The following VAT1L variants were observed in gnomAD, a reference collection of about 807,000 sequenced individuals.
VAT1L encodes the protein vesicle amine transport 1 like.
Under a neutral mutation model 44.1 loss-of-function variants are expected in VAT1L, and 34 were observed. The ratio of observed to expected loss-of-function variants is 0.77; its 90% CI spans 0.59 to 1.03. The LOEUF (loss-of-function observed/expected upper bound fraction) is 1.03, where lower values mean the gene tolerates loss of function less well. Among genes scored for constraint, VAT1L ranks in the 50% least tolerant of loss-of-function variants. VAT1L has a pLI of 0.00. For missense variants in VAT1L, 615 were observed against 538.8 expected, an observed-to-expected ratio of 1.14 and a Z score of -1.40; for synonymous variants, 253 against 202.2, an observed-to-expected ratio of 1.25 and a Z score of -2.13.
chr16:77,857,216 A>G (rs2016868061), intron 3 of VAT1L, among the ~76,000 whole-genome samples: 1 of 152,194 alleles, frequency 6.6e-6, no homozygotes, highest in Admixed American at 6.5e-5. Context: ...TGTTCATTTT[A>G]TGTTCTGGTT....
At chr16:77,818,340 A>G (rs1407528104) in intron 2 of VAT1L, among the ~76,000 whole-genome samples, 2 of 152,178 alleles carry the variant, frequency 1.3e-5, no homozygotes, top group South Asian at 2.1e-4. Context: ...ATTTTTGCCA[A>G]TGGTTTTCAG....
At chr16:77,799,385 T>C (rs2016000181) in intron 1 of VAT1L, among the ~76,000 whole-genome samples, 1 of 151,982 alleles carries the variant, frequency 6.6e-6, no homozygotes, top group Non-Finnish European at 1.5e-5. Context: ...CTCTCTCCTC[T>C]TTCTCTCTCT....
At chr16:77,960,539 C>A (rs765734781) in intron 7 of VAT1L, among the ~76,000 whole-genome samples, 27 of 152,148 alleles carry the variant, frequency 1.8e-4, no homozygotes, top group Admixed American at 6.6e-4. Flanking sequence ...GGCATAGCTA[C>A]TTCCAGAGAC....
At chr16:77,899,466 T>C (rs2017358552) in intron 7 of VAT1L, among the ~76,000 whole-genome samples, 1 of 152,252 alleles carries the variant, frequency 6.6e-6, no homozygotes, top group East Asian at 1.9e-4. Flanking sequence ...TAACCCTTGC[T>C]CTTCCTGCCT....
At chr16:77,954,729 C>T (rs370291210) in intron 7 of VAT1L, among the ~76,000 whole-genome samples, 6 of 152,292 alleles carry the variant, frequency 3.9e-5, no homozygotes, top group African/African-American at 1.2e-4. Flanking sequence ...CACCCAAGCA[C>T]GATGCCTTCT....
chr16:77,859,253 T>C (rs1423067485), intron 3 of VAT1L, among the ~76,000 whole-genome samples: 2 of 151,980 alleles, frequency 1.3e-5, no homozygotes, highest in Admixed American at 6.6e-5. Flanking sequence ...TGAGCCATGA[T>C]TGAACCACTA....
chr16:77,813,717 T>A (rs1305239315), intron 1 of VAT1L, among the ~76,000 whole-genome samples: 1 of 152,226 alleles, frequency 6.6e-6, no homozygotes, highest in African/African-American at 2.4e-5. Flanking sequence ...ATCCTTTCTA[T>A]TGCTAAGTCG....
intron 7 of VAT1L, among the ~76,000 whole-genome samples, chr16:77,939,516 C>T (rs2017851227): frequency 6.6e-6 from 1 of 152,192 alleles, no homozygotes; most frequent in Admixed American, 6.5e-5. Context: ...TCAGTGGTAA[C>T]AGTTATGTGC....
chr16:77,839,693 C>T (rs1428269400), intron 3 of VAT1L, among the ~76,000 whole-genome samples: 1 of 151,790 alleles, frequency 6.6e-6, no homozygotes, highest in Non-Finnish European at 1.5e-5. Context: ...GGGGCGGGAT[C>T]AGCAATCTAT....
At chr16:77,800,282 A>C (rs1039152345) in intron 1 of VAT1L, 1 of 152,172 alleles carries the variant, frequency 6.6e-6, no homozygotes, top group Non-Finnish European at 1.5e-5. Flanking sequence ...ATCTGGCTTC[A>C]TCGAGTGCCG....
chr16:77,861,909 A>G (rs1414588394), intron 3 of VAT1L, among the ~76,000 whole-genome samples: 1 of 152,234 alleles, frequency 6.6e-6, no homozygotes, highest in Non-Finnish European at 1.5e-5. Context: ...TATGGCCTTG[A>G]TAACACATCT....
intron 2 of VAT1L, among the ~76,000 whole-genome samples, chr16:77,818,545 G>A (rs2016394682): frequency 6.6e-6 from 1 of 152,124 alleles, no homozygotes; most frequent in African/African-American, 2.4e-5. Context: ...AGATCATGCA[G>A]CTCACTCCGT....
chr16:77,924,072 A>T (rs2017640880), intron 7 of VAT1L, among the ~76,000 whole-genome samples: 1 of 152,092 alleles, frequency 6.6e-6, no homozygotes, highest in African/African-American at 2.4e-5. Flanking sequence ...AACTGATTCA[A>T]CATCTCTGAA....
intron 4 of VAT1L, among the ~76,000 whole-genome samples, chr16:77,869,776 A>G (rs760298842): frequency 2.0e-5 from 3 of 152,200 alleles, no homozygotes; most frequent in Non-Finnish European, 4.4e-5. Context: ...CCAAAGGAGC[A>G]CAAAGCCCAC....
At chr16:77,931,939 T>A (rs1305257553) in intron 7 of VAT1L, among the ~76,000 whole-genome samples, 6 of 152,184 alleles carry the variant, frequency 3.9e-5, no homozygotes, top group Non-Finnish European at 8.8e-5. Flanking sequence ...ACTGCTATGT[T>A]TTGGGATTGC....
In VAT1L at chr16:77,977,875, A is replaced by T; in HGVS notation, c.*180A>T. ...TTTTTTGAAGTGCCAATCCCATGCC[A>T]TGCAGTATTATGTCCCTCTCCTATC... On this transcript the variant is annotated 3_prime_UTR_variant, in exon 9 of 9. Transcript: ENST00000302536. 1 of 603,526 alleles carries T rather than the reference A, an allele frequency of 1.7e-6. No individual in the cohort carries two copies. The highest frequency in any genetic ancestry group is 3.0e-6 in the Non-Finnish European group (1 of 332,858). The allele number at this position is 603,526 out of a possible 1,614,324, so 37.4% of individuals were successfully genotyped here.
chr16:77,945,231 A>G (rs2017945502), intron 7 of VAT1L, among the ~76,000 whole-genome samples: 1 of 145,170 alleles, frequency 6.9e-6, no homozygotes, highest in Non-Finnish European at 1.5e-5. Flanking sequence ...ATCTGTGCTT[A>G]GTGAGGCCAC....
At chr16:77,963,320 G>A (rs1273575417) in intron 7 of VAT1L, among the ~76,000 whole-genome samples, 1 of 152,168 alleles carries the variant, frequency 6.6e-6, no homozygotes, top group Non-Finnish European at 1.5e-5. Flanking sequence ...GTGAGAGTCA[G>A]AGAGATTTGA....
chr16:77,841,320 C>A (rs905433805), intron 3 of VAT1L, among the ~76,000 whole-genome samples: 2 of 152,214 alleles, frequency 1.3e-5, no homozygotes, highest in African/African-American at 4.8e-5. Flanking sequence ...TGGGCTCATG[C>A]AGTCCTCCTG....
Sources: allele counts gnomAD v4.1 joint callset (sites outside exome capture counted in the v4.1 genomes callset), GRCh38; gene constraint gnomAD v4.1.1; transcripts MANE v1.5; gene names NCBI Gene and HGNC (gene_info 2026-07-23, HGNC 2026-07-21).